SYDE1: variants seen among roughly 807,000 people sequenced by gnomAD.
SYDE1 encodes the protein synapse defective Rho GTPase activating protein 1.
Under a neutral mutation model 63.3 loss-of-function variants are expected in SYDE1, and 34 were observed. The ratio of observed to expected loss-of-function variants is 0.54; its 90% CI spans 0.41 to 0.71. SYDE1 has a LOEUF of 0.71. SYDE1 is among the 30% of genes least tolerant of loss of function. SYDE1 has a pLI of 0.00. For synonymous variants in SYDE1, 467 were observed against 473.4 expected (o/e 0.99, Z 0.18); for missense variants, 925 against 1,042.5 (o/e 0.89, Z 1.55).
Position 15,113,585 on chromosome 19 carries a change from A to T in SYDE1, c.1830A>T (p.Pro610=). The change falls in exon 8 of 8, where the codon CCA becomes CCT. Residue 610 remains proline (P), a synonymous_variant. Coordinates refer to ENST00000342784, the MANE Select transcript of SYDE1 (RefSeq NM_033025.6). ...ATCCCCGCCTGCCCCGACAATCTCC[A>T]GATGTCGCGCCTTACTTGCGACCCA... is the stretch of plus-strand genomic sequence containing the variant. The part of the protein sequence containing the change: ...WPDPRLPRQS[P]DVAPYLRPKR... The T allele has an allele frequency of 6.3e-7, 1 of 1,575,226 alleles. No homozygotes were observed. Among genetic ancestry groups the T allele is most frequent in the Non-Finnish European group, 8.6e-7 (1 of 1,159,412 alleles).
Position 15,110,809 on chromosome 19 carries a change from T to C in SYDE1, c.1290+74T>C. The C allele has an allele frequency of 1.5e-6, 2 of 1,293,664 alleles. No homozygotes were observed. The highest frequency in any genetic ancestry group is 2.1e-6 in the Non-Finnish European group (2 of 956,654). The allele number at this position is 1,293,664 out of a possible 1,614,324, so 80.1% of individuals were successfully genotyped here. A position where few individuals can be genotyped will look rare whatever the true frequency, so the allele number is the denominator to read the frequency against. ...CTCTTCAGGACACCCTATGTACAGA[T>C]GCCAGACCCCTACCCCCAGGCCTGA... is the stretch of plus-strand genomic sequence containing the variant. On this transcript the variant is annotated intron_variant, in intron 4 of 7. Coordinates refer to ENST00000342784, the MANE Select transcript of SYDE1 (RefSeq NM_033025.6). The surrounding 1 kb of genome is among the most constrained non-coding windows in gnomAD (Gnocchi z 6.9).
rs779713029 is a variant in SYDE1, at chr19:15,109,245, A to T, written c.278A>T (p.Asp93Val). The T allele has an allele frequency of 1.3e-6, 2 of 1,597,760 alleles. No homozygotes were observed. Among genetic ancestry groups the T allele is most frequent in the Non-Finnish European group, 1.7e-6 (2 of 1,172,398 alleles). The change falls in exon 2 of 8, where the codon GAC becomes GTC. Residue 93 changes from aspartate to valine, a missense_variant. This residue lies in a region of SYDE1 where 599 missense variants were observed against 653.7 expected (regional missense o/e 0.92). Transcript: ENST00000342784. The surrounding 1 kb of genome is among the most constrained non-coding windows in gnomAD (Gnocchi z 5.0). The part of the protein sequence containing the change: ...WVLGGAKPAE[D>V]TSLGPGVPGT... ...CTGGGTGGGGCCAAGCCAGCTGAGG[A>T]CACCTCTTTAGGGCCTGGGGTACCT...
chr19:15,113,579 A>G lies in SYDE1; in HGVS notation c.1824A>G (p.Gln608=), dbSNP rs1318248669. 25 of 1,565,862 alleles carry G rather than the reference A, an allele frequency of 1.6e-5. No homozygotes were observed. The highest frequency in any genetic ancestry group is 5.9e-5 in the South Asian group (5 of 84,796). Residue 608 remains glutamine (Q), a synonymous_variant, in exon 8 of 8, where the codon CAA becomes CAG. Coordinates refer to ENST00000342784, the MANE Select transcript of SYDE1 (RefSeq NM_033025.6). ...CTTCAGATCCCCGCCTGCCCCGACA[A>G]TCTCCAGATGTCGCGCCTTACTTGC... ...QSWPDPRLPR[Q]SPDVAPYLRP...
In SYDE1 at chr19:15,109,597, C is replaced by A; in HGVS notation, c.431-107C>A. On this transcript the variant is annotated intron_variant, in intron 2 of 7. Transcript: ENST00000342784. The surrounding 1 kb of genome is among the most constrained non-coding windows in gnomAD (Gnocchi z 5.0). ...AGCATCAGCCTCACACCCTCCTCCC[C>A]GCCAGGGGAACACCAGCCTCACACT... is the stretch of plus-strand genomic sequence containing the variant. 3 of 928,644 alleles carry A rather than the reference C, an allele frequency of 3.2e-6. No homozygotes were observed. Among genetic ancestry groups the A allele is most frequent in the African/African-American group, 1.7e-5 (1 of 59,546 alleles). The allele number at this position is 928,644 out of a possible 1,614,324, so 57.5% of individuals were successfully genotyped here.
rs1394929971 is a variant in SYDE1 at position 15,109,857 on chromosome 19, C to T, written c.584C>T (p.Ala195Val). The T allele has an allele frequency of 5.9e-6, 9 of 1,527,564 alleles. No individual in the cohort carries two copies. The highest frequency in any genetic ancestry group is 1.4e-5 in the African/African-American group (1 of 72,338). The allele number at this position is 1,527,564 out of a possible 1,614,324, so 94.6% of individuals were successfully genotyped here. A position where few individuals can be genotyped will look rare whatever the true frequency, so the allele number is the denominator to read the frequency against. The change falls in exon 3 of 8, where the codon GCC becomes GTC. Residue 195 changes from alanine to valine, a missense_variant. Coordinates refer to ENST00000342784, the MANE Select transcript of SYDE1 (RefSeq NM_033025.6). The surrounding 1 kb of genome is among the most constrained non-coding windows in gnomAD (Gnocchi z 5.0). ...PRAGRERERA[A>V]PAGSVISRYH... ...GCTGGCAGGGAGCGCGAGAGGGCTG[C>T]CCCTGCGGGCTCCGTCATCAGCCGC...
Position 15,108,799 on chromosome 19 carries a change from C to A in SYDE1, c.89-257C>A. The A allele has an allele frequency of 2.3e-6, 1 of 436,570 alleles. No individual in the cohort carries two copies. Among genetic ancestry groups the A allele is most frequent in the Non-Finnish European group, 3.9e-6 (1 of 256,010 alleles). The allele number at this position is 436,570 out of a possible 1,614,324, so 27.0% of individuals were successfully genotyped here. A position where few individuals can be genotyped will look rare whatever the true frequency, so the allele number is the denominator to read the frequency against. On this transcript the variant is annotated intron_variant, in intron 1 of 7. Coordinates refer to ENST00000342784, the MANE Select transcript of SYDE1 (RefSeq NM_033025.6). The surrounding 1 kb of genome is among the most constrained non-coding windows in gnomAD (Gnocchi z 4.3). ...TACCTACGGGCCCCAGGAAGCCTGA[C>A]TTAGAACCCTGAGGCTGCAGGGATG...
Position 15,110,522 on chromosome 19 carries a change from G to T in SYDE1, c.1077G>T (p.Gly359=). 1 of 1,578,712 alleles carries T rather than the reference G, an allele frequency of 6.3e-7. No individual in the cohort carries two copies. Residue 359 remains glycine (G), a splice_region_variant and synonymous_variant, in exon 4 of 8, where the codon GGG becomes GGT. Coordinates refer to ENST00000342784, the MANE Select transcript of SYDE1 (RefSeq NM_033025.6). The surrounding 1 kb of genome is among the most constrained non-coding windows in gnomAD (Gnocchi z 6.9). The part of the protein sequence containing the change: ...GTVLLPTVFR[G]CQAQQLAVRL... ...GCTCAGGCCCCCTTGTGTCCTCAGG[G>T]TGCCAGGCCCAACAGCTGGCCGTGC...
At position 15,110,576 on chromosome 19, in the gene SYDE1, C is replaced by T. The variant is rs755019545; in HGVS notation, c.1131C>T (p.Ala377=). ...VRLEPQGLLY[A]KLTLSEQQEA... is the part of the protein sequence containing the mutation. ...TGGAGCCTCAGGGGCTGCTGTATGC[C>T]AAGCTGACCCTGTCGGAGCAGCAGG... Residue 377 remains alanine (A), a synonymous_variant, in exon 4 of 8, where the codon GCC becomes GCT. Coordinates refer to ENST00000342784, the MANE Select transcript of SYDE1 (RefSeq NM_033025.6). The surrounding 1 kb of genome is among the most constrained non-coding windows in gnomAD (Gnocchi z 6.9). 1.3e-6 allele frequency: 2 copies of T among 1,598,630 alleles called. No individual in the cohort carries two copies. The highest frequency in any genetic ancestry group is 1.3e-5 in the African/African-American group (1 of 74,812).
Position 15,113,554 on chromosome 19 carries a change from C to T in SYDE1, c.1805-6C>T, listed in dbSNP as rs2046359949. On this transcript the variant is annotated splice_region_variant and splice_polypyrimidine_tract_variant and intron_variant, in intron 7 of 7. Transcript: ENST00000342784. ...TCTTTCTATGACCTACCCTGTCTCC[C>T]TTCAGATCCCCGCCTGCCCCGACAA... 8 of 1,541,000 alleles carry T rather than the reference C, an allele frequency of 5.2e-6. No homozygotes were observed. The highest frequency in any genetic ancestry group is 3.8e-5 in the South Asian group (3 of 79,896).
At position 15,112,226 on chromosome 19, in the gene SYDE1, C is replaced by A. The variant is rs2046349606; in HGVS notation, c.1579-120C>A. 4.6e-6 allele frequency: 3 copies of A among 658,884 alleles called. No individual in the cohort carries two copies. The South Asian group carries it at 5.7e-5, about 13-fold the overall frequency. 40.8% of individuals were successfully genotyped at this position (658,884 alleles called of 1,614,324 possible). ...CTAATGATTAATAGTCTTAACCCGA[C>A]CACATCCCAGCTATGAGACTGTGAA... On this transcript the variant is annotated intron_variant, in intron 6 of 7. Transcript: ENST00000342784.
chr19:15,110,323 C>G lies in SYDE1; in HGVS notation c.1050C>G (p.Thr350=). The change falls in exon 3 of 8, where the codon ACC becomes ACG. Residue 350 remains threonine, a synonymous_variant. Transcript: ENST00000342784. The surrounding 1 kb of genome is among the most constrained non-coding windows in gnomAD (Gnocchi z 6.9). ...VRRHRPCAQG[T]VLLPTVFRGC... ...GGCACCGGCCCTGTGCCCAGGGCAC[C>G]GTGCTGCTGCCCACGGTCTTCCGAG... 1 of 1,427,890 alleles carries G rather than the reference C, an allele frequency of 7.0e-7. No homozygotes were observed. The highest frequency in any genetic ancestry group is 1.5e-5 in the South Asian group (1 of 66,500). The allele number at this position is 1,427,890 out of a possible 1,614,324, so 88.5% of individuals were successfully genotyped here. A position where few individuals can be genotyped will look rare whatever the true frequency, so the allele number is the denominator to read the frequency against.
intron 1 of SYDE1, among the ~76,000 whole-genome samples, chr19:15,107,918 G>C (rs1266407163): frequency 2.0e-5 from 3 of 152,136 alleles, no homozygotes; most frequent in Non-Finnish European, 4.4e-5. Flanking sequence ...ATGGGAGATG[G>C]GAGGCGTACT....
Position 15,109,879 on chromosome 19 carries a change from C to T in SYDE1, c.606C>T (p.Ser202=). The change falls in exon 3 of 8, where the codon AGC becomes AGT. Residue 202 remains serine, a synonymous_variant. Coordinates refer to ENST00000342784, the MANE Select transcript of SYDE1 (RefSeq NM_033025.6). This position sits in a 1 kb window ranked among gnomAD's most constrained non-coding sequence, Gnocchi z 5.0. ...CTGCCCCTGCGGGCTCCGTCATCAG[C>T]CGCTACCACCTGGACAGCAGCGTGG... The part of the protein sequence containing the change: ...ERAAPAGSVI[S]RYHLDSSVGG... 1 of 1,520,162 alleles carries T rather than the reference C, an allele frequency of 6.6e-7. No individual in the cohort carries two copies. The allele number at this position is 1,520,162 out of a possible 1,614,324, so 94.2% of individuals were successfully genotyped here.
In SYDE1 at chr19:15,110,338, G is replaced by A. The variant is rs1356846561; in HGVS notation, c.1065G>A (p.Thr355=). The A allele has an allele frequency of 4.9e-6, 7 of 1,430,396 alleles. No homozygotes were observed. Among genetic ancestry groups the A allele is most frequent in the South Asian group, 3.0e-5 (2 of 66,990 alleles). The allele number at this position is 1,430,396 out of a possible 1,614,324, so 88.6% of individuals were successfully genotyped here. A position where few individuals can be genotyped will look rare whatever the true frequency, so the allele number is the denominator to read the frequency against. ...CCCAGGGCACCGTGCTGCTGCCCAC[G>A]GTCTTCCGAGGTAGGACATGCGGCT... The part of the protein sequence containing the change: ...PCAQGTVLLP[T]VFRGCQAQQL... Residue 355 remains threonine, a synonymous_variant, in exon 3 of 8, where the codon ACG becomes ACA. Coordinates refer to ENST00000342784, the MANE Select transcript of SYDE1 (RefSeq NM_033025.6). The surrounding 1 kb of genome is among the most constrained non-coding windows in gnomAD (Gnocchi z 6.9).
Position 15,109,802 on chromosome 19 carries a change from C to T in SYDE1, c.529C>T (p.Arg177Trp). 2 of 1,535,838 alleles carry T rather than the reference C, an allele frequency of 1.3e-6. No individual in the cohort carries two copies. Among genetic ancestry groups the T allele is most frequent in the Non-Finnish European group, 1.7e-6 (2 of 1,145,350 alleles). Residue 177 changes from arginine (R) to tryptophan (W), a missense_variant, in exon 3 of 8, where the codon CGG (arginine) becomes TGG (tryptophan). Transcript: ENST00000342784. This position sits in a 1 kb window ranked among gnomAD's most constrained non-coding sequence, Gnocchi z 5.0. ...AAAGATGAAGAAGCTGCCGGAACTG[C>T]GGCGCCGCCTGAGCCTGCGAGGCCC... ...SIKMKKLPEL[R>W]RRLSLRGPRA...
chr19:15,107,632 A>C (rs1193258686), intron 1 of SYDE1, 111 bp downstream of exon 1: 32 of 466,102 alleles, frequency 6.9e-5, no homozygotes, highest in South Asian at 1.9e-4. Flanking sequence ...AGCCCCCCGC[A>C]CCCCGCTGCA....
At position 15,113,707 on chromosome 19, in the gene SYDE1, A is replaced by T; in HGVS notation, c.1952A>T (p.Tyr651Phe). The T allele has an allele frequency of 6.2e-7, 1 of 1,613,464 alleles. No homozygotes were observed. Among genetic ancestry groups the T allele is most frequent in the South Asian group, 1.1e-5 (1 of 91,044 alleles). ...GGPESPPSNR[Y>F]AGDWSVCGRD... ...CCCGAAAGCCCCCCGAGCAACCGCT[A>T]CGCCGGCGACTGGAGCGTTTGCGGG... Residue 651 changes from tyrosine to phenylalanine, a missense_variant, in exon 8 of 8, where the codon TAC becomes TTC. Tyr to Phe is a conservative substitution (Grantham distance 22). Around this residue, in one of 3 missense-constraint regions of SYDE1, gnomAD observed 255 missense variants for 255.9 expected, o/e 1.00. Coordinates refer to ENST00000342784, the MANE Select transcript of SYDE1 (RefSeq NM_033025.6).
rs1164822262 is a variant in SYDE1, at chr19:15,109,207, C to T, written c.240C>T (p.Ser80=). 14 of 1,567,856 alleles carry T rather than the reference C, an allele frequency of 8.9e-6. No individual in the cohort carries two copies. Among genetic ancestry groups the T allele is most frequent in the African/African-American group, 1.4e-5 (1 of 74,002 alleles). Residue 80 remains serine, a synonymous_variant, in exon 2 of 8, where the codon AGC becomes AGT. Coordinates refer to ENST00000342784, the MANE Select transcript of SYDE1 (RefSeq NM_033025.6). This position sits in a 1 kb window ranked among gnomAD's most constrained non-coding sequence, Gnocchi z 5.0. ...ACCTGCAAAGCCTGGAGCCCAGTAG[C>T]CGCCGATGGGTGCTGGGTGGGGCCA... ...GAYLQSLEPS[S]RRWVLGGAKP...
At position 15,113,628 on chromosome 19, in the gene SYDE1, C is replaced by G. The variant is rs749467839; in HGVS notation, c.1873C>G (p.His625Asp). The G allele has an allele frequency of 6.2e-7, 1 of 1,610,554 alleles. No homozygotes were observed. The highest frequency in any genetic ancestry group is 1.1e-5 in the South Asian group (1 of 90,738). ...YLRPKRQPPL[H>D]LPLADPEVVT... ...GCGACCCAAACGACAGCCACCTCTG[C>G]ACCTGCCGCTGGCAGACCCCGAAGT... Residue 625 changes from histidine to aspartate, a missense_variant, in exon 8 of 8, where the codon CAC (histidine) becomes GAC (aspartate). By Grantham distance (81) the His-to-Asp change is moderately conservative. Around this residue, in one of 3 missense-constraint regions of SYDE1, gnomAD observed 255 missense variants for 255.9 expected, o/e 1.00. Coordinates refer to ENST00000342784, the MANE Select transcript of SYDE1 (RefSeq NM_033025.6).
Sources: allele counts gnomAD v4.1 joint callset (sites outside exome capture counted in the v4.1 genomes callset), GRCh38; gene constraint gnomAD v4.1.1; regional missense constraint gnomAD v4.1.1; non-coding constraint Gnocchi (gnomAD v3.1); transcripts MANE v1.5; gene names NCBI Gene and HGNC (gene_info 2026-07-23, HGNC 2026-07-21).